ASIC2: variants seen among roughly 807,000 people sequenced by gnomAD.
ASIC2 encodes the protein acid sensing ion channel subunit 2, also known as acid-sensing ion channel 2.
ASIC2 carries 25 observed loss-of-function variants against 57.3 expected under a neutral mutation model. The observed-to-expected ratio is 0.44, with a 90% CI of 0.32 to 0.61. ASIC2 has a LOEUF of 0.61. Among genes scored for constraint, ASIC2 ranks in the 20% least tolerant of loss-of-function variants. The probability of loss-of-function intolerance (pLI) is 0.06; values close to 1 mark genes in which losing one functional copy is unlikely to be tolerated. For missense variants in ASIC2, 641 were observed against 738.1 expected (o/e 0.87, Z 1.52); for synonymous variants, 319 against 307.5 (o/e 1.04, Z -0.39).
chr17:34,153,481 C>T (rs1296139197), intron 1 of ASIC2, among the ~76,000 whole-genome samples: 1 of 151,942 alleles, frequency 6.6e-6, no homozygotes, highest in Non-Finnish European at 1.5e-5. Context: ...ATGCTTATAT[C>T]CCAGGCCAAA....
chr17:33,842,642 G>A (rs183235839), intron 1 of ASIC2, among the ~76,000 whole-genome samples: 1 of 152,306 alleles, frequency 6.6e-6, no homozygotes, highest in African/African-American at 2.4e-5. Flanking sequence ...TTAGGAAGGA[G>A]GAGGTGATTG....
intron 1 of ASIC2, among the ~76,000 whole-genome samples, chr17:33,194,498 T>C (rs1215671874): frequency 6.6e-6 from 1 of 152,206 alleles, no homozygotes; most frequent in Non-Finnish European, 1.5e-5. Context: ...ATACAGCACC[T>C]GTGAACTTCC....
At chr17:33,625,583 ATAAC>A (rs1408597632) in intron 1 of ASIC2, among the ~76,000 whole-genome samples, 2 of 152,240 alleles carry the variant, frequency 1.3e-5, no homozygotes, top group Non-Finnish European at 2.9e-5. Flanking sequence ...ACAGAAATTG[ATAAC>A]TAATACAGAA....
intron 1 of ASIC2, among the ~76,000 whole-genome samples, chr17:33,813,108 A>G (rs142333007): frequency 8.5e-5 from 13 of 152,186 alleles, no homozygotes; most frequent in African/African-American, 3.1e-4. Flanking sequence ...AGGTTCTACC[A>G]TGGAAAGCCT....
At chr17:34,019,157 C>T (rs1384995284) in intron 1 of ASIC2, among the ~76,000 whole-genome samples, 1 of 151,984 alleles carries the variant, frequency 6.6e-6, no homozygotes, top group East Asian at 1.9e-4. Context: ...ATCCGCCCTC[C>T]TTGGCCTCTC....
At chr17:34,058,153 C>G (rs998608268) in intron 1 of ASIC2, among the ~76,000 whole-genome samples, 6 of 152,242 alleles carry the variant, frequency 3.9e-5, no homozygotes, top group African/African-American at 1.4e-4. Context: ...ACTCTCATCT[C>G]TTTTTACATT....
intron 1 of ASIC2, among the ~76,000 whole-genome samples, chr17:34,126,153 A>T (rs1911774582): frequency 6.6e-6 from 1 of 152,218 alleles, no homozygotes; most frequent in Non-Finnish European, 1.5e-5. Flanking sequence ...CCAGGGGAAG[A>T]CAGAGCCATT....
intron 1 of ASIC2, among the ~76,000 whole-genome samples, chr17:33,301,242 T>C (rs997018568): frequency 6.6e-6 from 1 of 151,314 alleles, no homozygotes; most frequent in South Asian, 2.1e-4. Context: ...GGTTTCACCA[T>C]GTCATCGAGG....
At chr17:33,176,871 G>A (rs973941380) in intron 1 of ASIC2, among the ~76,000 whole-genome samples, 1 of 152,172 alleles carries the variant, frequency 6.6e-6, no homozygotes, top group African/African-American at 2.4e-5. Flanking sequence ...AGGGAAGGGT[G>A]AGCATGTGCC....
intron 1 of ASIC2, among the ~76,000 whole-genome samples, chr17:33,483,397 A>G (rs375508277): frequency 2.4e-4 from 37 of 152,368 alleles, no homozygotes; most frequent in African/African-American, 7.9e-4. Context: ...TGGTCTTAGC[A>G]AGTGGGCTCT....
At chr17:33,862,324 A>T (rs1262373909) in intron 1 of ASIC2, among the ~76,000 whole-genome samples, 1 of 152,260 alleles carries the variant, frequency 6.6e-6, no homozygotes, top group African/African-American at 2.4e-5. Flanking sequence ...TAGTCCTCAC[A>T]AAATCATCGT....
chr17:33,820,392 A>G (rs2141892550), intron 1 of ASIC2, among the ~76,000 whole-genome samples: 1 of 152,352 alleles, frequency 6.6e-6, no homozygotes, highest in Middle Eastern at 3.4e-3. Context: ...AATTTCTTTT[A>G]TGTGGATTAC....
intron 1 of ASIC2, among the ~76,000 whole-genome samples, chr17:33,892,344 A>T (rs1914986311): frequency 6.6e-6 from 1 of 152,134 alleles, no homozygotes; most frequent in Non-Finnish European, 1.5e-5. Flanking sequence ...TGAGAAGGAG[A>T]CAGACACTTA....
At chr17:33,610,568 G>A (rs17192100) in intron 1 of ASIC2, among the ~76,000 whole-genome samples, 20,052 of 151,962 alleles carry the variant, frequency 0.13, 1,538 homozygotes, top group Non-Finnish European at 0.17. Context: ...AGGACAGGAC[G>A]CAATTGGAAG....
intron 1 of ASIC2, among the ~76,000 whole-genome samples, chr17:33,944,337 G>GGA (rs540020680): frequency 6.6e-6 from 1 of 152,248 alleles, no homozygotes; most frequent in Non-Finnish European, 1.5e-5. Flanking sequence ...AGCAACAGCA[G>GGA]GAGAAACAGC....
chr17:33,464,687 C>CTCTCTCTA (rs1264604173), intron 1 of ASIC2, among the ~76,000 whole-genome samples: 268 of 132,626 alleles, frequency 2.0e-3, no homozygotes, highest in African/African-American at 5.4e-3. Context: ...CTCTCTCTCT[C>CTCTCTCTA]TATATATATA....
chr17:34,039,088 C>T (rs1022102934), intron 1 of ASIC2: 6 of 1,614,094 alleles, frequency 3.7e-6, no homozygotes, highest in Non-Finnish European at 5.1e-6. Context: ...TCTATTTAAT[C>T]GTTCCTTGTA....
intron 3 of ASIC2, among the ~76,000 whole-genome samples, chr17:33,056,436 C>T (rs7214837): frequency 0.25 from 38,602 of 152,026 alleles, 5,087 homozygotes; most frequent in Middle Eastern, 0.32. Context: ...GGAAGATAGC[C>T]CCTTCCCAGC....
chr17:33,032,798 G>C (rs1035343595), intron 3 of ASIC2, among the ~76,000 whole-genome samples: 6 of 152,144 alleles, frequency 3.9e-5, no homozygotes, highest in African/African-American at 1.4e-4. Context: ...TTTTAAGGAA[G>C]AAAGAAAGTT....
Sources: gnomAD v4.1 joint callset for allele counts (sites outside exome capture counted in the v4.1 genomes callset) on GRCh38, gnomAD v4.1.1 for gene constraint, MANE v1.5 for transcripts, NCBI Gene and HGNC (gene_info 2026-07-23, HGNC 2026-07-21) for gene names.